Variants in RNFT2 observed in about 807,000 individuals in gnomAD.
The protein encoded by RNFT2 is E3 ubiquitin-protein ligase RNFT2.
A neutral mutation model predicts 53.0 loss-of-function variants in RNFT2; 36 were observed. That is an observed-to-expected ratio of 0.68 (90% CI 0.52 to 0.90). RNFT2 has a LOEUF of 0.90. RNFT2 is among the 40% of genes least tolerant of loss of function. The probability of loss-of-function intolerance (pLI) is 0.00; values close to 1 mark genes in which losing one functional copy is unlikely to be tolerated. For synonymous variants in RNFT2, 260 were observed against 253.2 expected, an observed-to-expected ratio of 1.03 and a Z score of -0.26; for missense variants, 514 against 585.6, an observed-to-expected ratio of 0.88 and a Z score of 1.26.
rs138431200 is a variant in RNFT2, at chr12:116,832,130, CAAA to C, written c.883-1645_883-1643del. 3.5e-4 allele frequency among the ~76,000 whole-genome samples: 33 copies of C among 95,304 alleles called. 1 individual carries two copies. Among genetic ancestry groups the C allele is most frequent in the South Asian group, 2.0e-3 (5 of 2,554 alleles). The allele number at this position is 95,304 out of a possible 152,430, so 62.5% of individuals were successfully genotyped here. ...TGGGCAACATAGCAAGACCTTGTCT[CAAA>C]AAAAAAAAAAAAAAAATATATATAT... On this transcript the variant is annotated intron_variant, in intron 7 of 10. Coordinates refer to ENST00000257575, the MANE Select transcript of RNFT2 (RefSeq NM_001382266.1).
intron 7 of RNFT2, among the ~76,000 whole-genome samples, chr12:116,814,161 G>T (rs1015394192): frequency 2.6e-5 from 4 of 152,136 alleles, no homozygotes; most frequent in Admixed American, 6.5e-5. Context: ...CGTACTACCT[G>T]CCAGCCACTG....
Position 116,750,184 on chromosome 12 carries a change from G to A in RNFT2, c.427G>A (p.Asp143Asn), listed in dbSNP as rs372050554. 6.0e-5 allele frequency: 96 copies of A among 1,598,680 alleles called. No homozygotes were observed. The highest frequency in any genetic ancestry group is 8.1e-5 in the Non-Finnish European group (95 of 1,176,882). The change falls in exon 4 of 11, where the codon GAC (aspartate) becomes AAC (asparagine). Residue 143 changes from aspartate (D) to asparagine (N), a missense_variant. This residue lies in a region of RNFT2 where 237 missense variants were observed against 235.1 expected (regional missense o/e 1.01). Transcript: ENST00000257575. ...DHRGHSEEGG[D>N]EQPGTPAPAL... is the part of the protein sequence containing the mutation. ...CCGGGGGCACTCGGAGGAGGGAGGC[G>A]ACGAGCAGCCTGGGACGCCCGCCCC...
At chr12:116,791,583 T>C (rs534285009) in intron 7 of RNFT2, among the ~76,000 whole-genome samples, 3 of 152,212 alleles carry the variant, frequency 2.0e-5, no homozygotes, top group Non-Finnish European at 4.4e-5. Flanking sequence ...GTGCTGGAAT[T>C]ACAGGCATGA....
chr12:116,841,694 G>A (rs1319558381), intron 10 of RNFT2, among the ~76,000 whole-genome samples: 1 of 146,832 alleles, frequency 6.8e-6, no homozygotes, highest in African/African-American at 2.5e-5. Flanking sequence ...GTTCCAGTGA[G>A]CCAAGGTCAT....
chr12:116,770,304 G>A (rs1465141250), intron 6 of RNFT2, among the ~76,000 whole-genome samples: 1 of 152,140 alleles, frequency 6.6e-6, no homozygotes, highest in Non-Finnish European at 1.5e-5. Context: ...ATTCAGTACA[G>A]TAACAAGCTA....
intron 6 of RNFT2, among the ~76,000 whole-genome samples, chr12:116,775,279 A>AT (rs59940898): frequency 1.6e-5 from 2 of 128,350 alleles, no homozygotes; most frequent in South Asian, 5.3e-4. Context: ...AAAAAAAAAA[A>AT]GAGAGAGAGA....
intron 7 of RNFT2, among the ~76,000 whole-genome samples, chr12:116,811,656 G>A (rs767890073): frequency 1.5e-4 from 23 of 152,196 alleles, no homozygotes; most frequent in Non-Finnish European, 3.2e-4. Context: ...GATTACAGGC[G>A]TGAGCCAACG....
At chr12:116,801,756 A>C (rs368234341) in intron 7 of RNFT2, among the ~76,000 whole-genome samples, 2 of 152,084 alleles carry the variant, frequency 1.3e-5, no homozygotes, top group African/African-American at 4.8e-5. Flanking sequence ...GCCCTTAGGG[A>C]GATGTTAATA....
In RNFT2 at chr12:116,852,389, T is replaced by G. The variant is rs1008415803; in HGVS notation, c.*2941T>G. 1.0e-6 allele frequency: 1 copy of G among 955,108 alleles called. No homozygotes were observed. The allele number at this position is 955,108 out of a possible 1,614,324, so 59.2% of individuals were successfully genotyped here. A position where few individuals can be genotyped will look rare whatever the true frequency, so the allele number is the denominator to read the frequency against. On this transcript the variant is annotated 3_prime_UTR_variant, in exon 11 of 11. Transcript: ENST00000257575. ...ACCAAACCAGGACTTTCCCCTTGGC[T>G]TGGCATCCCTGGCTCTCTCCTGGTA...
At chr12:116,742,265 C>CTT (rs769733957) in intron 3 of RNFT2, among the ~76,000 whole-genome samples, 133 of 112,226 alleles carry the variant, frequency 1.2e-3, no homozygotes, top group African/African-American at 1.7e-3. Context: ...GAGGTGGTTT[C>CTT]TTTTTTTTTT....
intron 5 of RNFT2, among the ~76,000 whole-genome samples, chr12:116,760,488 G>T (rs1410696290): frequency 6.6e-6 from 1 of 152,190 alleles, no homozygotes; most frequent in Non-Finnish European, 1.5e-5. Flanking sequence ...GGCTGCTGGG[G>T]GACCCAGTGA....
intron 7 of RNFT2, among the ~76,000 whole-genome samples, chr12:116,799,092 C>T (rs910150676): frequency 1.3e-5 from 2 of 152,188 alleles, no homozygotes; most frequent in Non-Finnish European, 2.9e-5. Context: ...AAGTCTACTT[C>T]CAGGCTCATT....
intron 7 of RNFT2, among the ~76,000 whole-genome samples, chr12:116,826,219 G>A (rs1876327023): frequency 6.6e-6 from 1 of 152,076 alleles, no homozygotes; most frequent in African/African-American, 2.4e-5. Flanking sequence ...TTGTTTCGAT[G>A]TTTCCCATTT....
At chr12:116,790,349 A>G (rs1292241612) in intron 7 of RNFT2, among the ~76,000 whole-genome samples, 3 of 151,094 alleles carry the variant, frequency 2.0e-5, no homozygotes, top group Non-Finnish European at 2.9e-5. Context: ...TCAGTGAACC[A>G]GTAAATAGAA....
chr12:116,799,139 G>A (rs897138318), intron 7 of RNFT2, among the ~76,000 whole-genome samples: 2 of 152,154 alleles, frequency 1.3e-5, no homozygotes, highest in East Asian at 3.9e-4. Context: ...GTGATCGTAG[G>A]ACTTGAGGTC....
chr12:116,783,198 C>T (rs1873789674), intron 7 of RNFT2, among the ~76,000 whole-genome samples: 1 of 152,242 alleles, frequency 6.6e-6, no homozygotes. Flanking sequence ...AGACACTTGT[C>T]AGAATGAGGA....
Position 116,849,349 on chromosome 12 carries a change from G to T in RNFT2, c.1236G>T (p.Leu412=). The change falls in exon 11 of 11, where the codon CTG becomes CTT. Residue 412 remains leucine (L), a synonymous_variant. Transcript: ENST00000257575. ...VFCEECLCLW[L]DRERTCPLCR... is the part of the protein sequence containing the mutation. Reference sequence around the variant, plus strand: ...GTGAGGAGTGCCTCTGCCTGTGGCTGGACCGTGAGCGCACCTGCCCGCTCT... The same window carrying T: ...GTGAGGAGTGCCTCTGCCTGTGGCTTGACCGTGAGCGCACCTGCCCGCTCT... The T allele has an allele frequency of 6.5e-7, 1 of 1,544,430 alleles. No homozygotes were observed.
chr12:116,757,392 A>G (rs2393086), intron 5 of RNFT2, among the ~76,000 whole-genome samples: 136,747 of 151,910 alleles, frequency 0.9, 61,981 homozygotes, highest in Non-Finnish European at 0.95. Context: ...TTGTTTCTCT[A>G]GTTCCTTGAG....
Position 116,750,420 on chromosome 12 carries a change from C to T in RNFT2, c.550+113C>T, listed in dbSNP as rs890455029. The T allele has an allele frequency of 8.1e-6, 8 of 992,946 alleles. No homozygotes were observed. In the African/African-American group the frequency reaches 1.3e-4, roughly 16 times the overall value. The allele number at this position is 992,946 out of a possible 1,614,324, so 61.5% of individuals were successfully genotyped here. A position where few individuals can be genotyped will look rare whatever the true frequency, so the allele number is the denominator to read the frequency against. On this transcript the variant is annotated intron_variant, in intron 4 of 10. Transcript: ENST00000257575. ...CCCAGGGAGAGGCAGCAGAGACCAACATGGGCTTCAGGATGTGGGATTCTG... is the reference window on the plus strand; with the variant it reads ...CCCAGGGAGAGGCAGCAGAGACCAATATGGGCTTCAGGATGTGGGATTCTG...
Sources: allele counts gnomAD v4.1 joint callset (sites outside exome capture counted in the v4.1 genomes callset), GRCh38; gene constraint gnomAD v4.1.1; regional missense constraint gnomAD v4.1.1; transcripts MANE v1.5; gene names NCBI Gene and HGNC (gene_info 2026-07-23, HGNC 2026-07-21).